The following DNM2 variants were observed in gnomAD, a reference collection of about 807,000 sequenced individuals.
DNM2 encodes the protein dynamin-2.
Under a neutral mutation model 99.0 loss-of-function variants are expected in DNM2, and 15 were observed. The ratio of observed to expected loss-of-function variants is 0.15; its 90% CI spans 0.10 to 0.23. DNM2 has a LOEUF of 0.23. DNM2 is among the 10% of genes least tolerant of loss of function. The probability of loss-of-function intolerance (pLI) is 1.00; values close to 1 mark genes in which losing one functional copy is unlikely to be tolerated. For missense variants in DNM2, 742 were observed against 1,189.4 expected (o/e 0.62, Z 5.53); for synonymous variants, 525 against 481.2 (o/e 1.09, Z -1.19).
rs1599505836 is a variant in DNM2, at chr19:10,764,937, A to G, written c.235+5126A>G. 6.7e-6 allele frequency among the ~76,000 whole-genome samples: 1 copy of G among 149,612 alleles called. No individual in the cohort carries two copies. The highest frequency in any genetic ancestry group is 2.0e-4 in the East Asian group (1 of 5,084). On this transcript the variant is annotated intron_variant, in intron 2 of 20. Transcript: ENST00000389253. The surrounding 1 kb of genome is among the most constrained non-coding windows in gnomAD (Gnocchi z 4.1). ...TCCCCGGTCCCCGGCAGCACGAGTT[A>G]TCCTGTTCTTGTTTTTTCTTTTTCT... is the stretch of plus-strand genomic sequence containing the variant.
intron 6 of DNM2, among the ~76,000 whole-genome samples, chr19:10,784,300 G>T (rs768080579): frequency 1.3e-5 from 2 of 152,174 alleles, no homozygotes; most frequent in Non-Finnish European, 2.9e-5. Flanking sequence ...CAAGAATCCA[G>T]TAGGGGCGCG....
Position 10,743,387 on chromosome 19 carries a change from T to A in DNM2, c.162-16351T>A, listed in dbSNP as rs569052308. ...ACAGGTGCTCGGGTGAGAAAAAACATCATGCGGCCAGGCATGGTGGCTCAC... is the reference window on the plus strand; with the variant it reads ...ACAGGTGCTCGGGTGAGAAAAAACAACATGCGGCCAGGCATGGTGGCTCAC... On this transcript the variant is annotated intron_variant, in intron 1 of 20. Transcript: ENST00000389253. 2.0e-5 allele frequency among the ~76,000 whole-genome samples: 3 copies of A among 151,742 alleles called. No homozygotes were observed. In the South Asian group the frequency reaches 6.3e-4, roughly 32 times the overall value.
Position 10,831,093 on chromosome 19 carries a change from C to G in DNM2, c.*46C>G, listed in dbSNP as rs528790280. 6.4e-7 allele frequency: 1 copy of G among 1,555,678 alleles called. No individual in the cohort carries two copies. The highest frequency in any genetic ancestry group is 1.9e-5 in the Admixed American group (1 of 51,900). On this transcript the variant is annotated 3_prime_UTR_variant, in exon 21 of 21. Coordinates refer to ENST00000389253, the MANE Select transcript of DNM2 (RefSeq NM_001005361.3). This position sits in a 1 kb window ranked among gnomAD's most constrained non-coding sequence, Gnocchi z 4.3. Reference sequence around the variant, plus strand: ...TCGGGGGGGCCTCACGCACCCGCGGCGCAGGAGCTTCAGTGGTCTGGGGCC... The same window carrying G: ...TCGGGGGGGCCTCACGCACCCGCGGGGCAGGAGCTTCAGTGGTCTGGGGCC...
intron 5 of DNM2, 44 bp from the exon 6 acceptor site, chr19:10,782,916 G>A: frequency 6.2e-7 from 1 of 1,613,458 alleles, no homozygotes; most frequent in Non-Finnish European, 8.5e-7. Context: ...AGGTCCACTT[G>A]GCTCACCTAG....
intron 1 of DNM2, among the ~76,000 whole-genome samples, chr19:10,747,121 C>T (rs376130078): frequency 1.6e-4 from 25 of 151,570 alleles, no homozygotes; most frequent in African/African-American, 5.6e-4. Flanking sequence ...CAAGAGATTG[C>T]GTGCCAAGGT....
chr19:10,743,927 A>C (rs985169104), intron 1 of DNM2, among the ~76,000 whole-genome samples: 1 of 151,114 alleles, frequency 6.6e-6, no homozygotes, highest in East Asian at 1.9e-4. Flanking sequence ...GCAAGGTTGC[A>C]GTGAGCCAAG....
Position 10,802,538 on chromosome 19 carries a change from C to T in DNM2, c.1493+180C>T, listed in dbSNP as rs1053334654. 12 of 719,682 alleles carry T rather than the reference C, an allele frequency of 1.7e-5. No homozygotes were observed. In the African/African-American group the frequency reaches 2.1e-4, roughly 13 times the overall value. The allele number at this position is 719,682 out of a possible 1,614,324, so 44.6% of individuals were successfully genotyped here. On this transcript the variant is annotated intron_variant, in intron 12 of 20. Transcript: ENST00000389253. ...AAGCTCTCCTGGGCTGATAGTGGTC[C>T]ACTGTCCCCAACCAACACGCCTTCT...
At chr19:10,779,708 A>C (rs567714570) in intron 5 of DNM2, among the ~76,000 whole-genome samples, 1 of 151,366 alleles carries the variant, frequency 6.6e-6, no homozygotes, top group South Asian at 2.1e-4. Flanking sequence ...TTTTTCAGAC[A>C]GAGTTTCATT....
At chr19:10,780,786 G>A (rs2071341185) in intron 5 of DNM2, among the ~76,000 whole-genome samples, 1 of 152,026 alleles carries the variant, frequency 6.6e-6, no homozygotes, top group Non-Finnish European at 1.5e-5. Context: ...ATCCAGGCTG[G>A]GCACAGTGGC....
intron 16 of DNM2, among the ~76,000 whole-genome samples, chr19:10,822,718 C>T (rs915592901): frequency 6.6e-6 from 1 of 151,956 alleles, no homozygotes; most frequent in African/African-American, 2.4e-5. Flanking sequence ...AGGCTGGTCT[C>T]AAACTCCTGA....
At chr19:10,729,669 C>T (rs1367189996) in intron 1 of DNM2, among the ~76,000 whole-genome samples, 1 of 152,222 alleles carries the variant, frequency 6.6e-6, no homozygotes, top group South Asian at 2.1e-4. Flanking sequence ...GCAAGTAGAG[C>T]GTGGAGACAG....
At chr19:10,800,274 C>G (rs1486866280) in intron 11 of DNM2, among the ~76,000 whole-genome samples, 1 of 152,200 alleles carries the variant, frequency 6.6e-6, no homozygotes, top group East Asian at 1.9e-4. Context: ...TGGTCCCTCT[C>G]CCCTTGCCAT....
At chr19:10,789,049 A>G (rs1329894277) in intron 7 of DNM2, among the ~76,000 whole-genome samples, 1 of 152,164 alleles carries the variant, frequency 6.6e-6, no homozygotes, top group African/African-American at 2.4e-5. Context: ...GAGGAAATTC[A>G]TAGCCGGGGA....
chr19:10,763,855 C>G (rs1229302771), intron 2 of DNM2, among the ~76,000 whole-genome samples: 1 of 152,062 alleles, frequency 6.6e-6, no homozygotes, highest in Non-Finnish European at 1.5e-5. Flanking sequence ...GACCAGAATG[C>G]AAGCGGGGAG....
chr19:10,813,021 G>A (rs964451449), intron 15 of DNM2, among the ~76,000 whole-genome samples: 7 of 152,224 alleles, frequency 4.6e-5, no homozygotes, highest in African/African-American at 1.7e-4. Context: ...CAGGGGCTCA[G>A]GCATGCAGCC....
chr19:10,748,415 C>T (rs1301153382), intron 1 of DNM2, among the ~76,000 whole-genome samples: 1 of 152,152 alleles, frequency 6.6e-6, no homozygotes, highest in Non-Finnish European at 1.5e-5. Context: ...TGAGGGGTTT[C>T]TCCCCTCCCT....
intron 1 of DNM2, among the ~76,000 whole-genome samples, chr19:10,732,416 C>T (rs974181823): frequency 6.6e-6 from 1 of 150,504 alleles, no homozygotes; most frequent in Admixed American, 6.6e-5. Context: ...CTGACTAACA[C>T]GGTGAAACCC....
chr19:10,831,054 AGGGGGGCGTGCTCTCGG>A lies in DNM2; in HGVS notation c.*13_*29del. On this transcript the variant is annotated 3_prime_UTR_variant, in exon 21 of 21. Transcript: ENST00000389253. This position sits in a 1 kb window ranked among gnomAD's most constrained non-coding sequence, Gnocchi z 4.3. ...GCCATCCCTGCTCGACTAGGCCTCG[AGGGGGGCGTGCTCTCGG>A]GGGGGCCTCACGCACCCGCGGCGCA... is the stretch of plus-strand genomic sequence containing the variant. 2 of 1,598,104 alleles carry A rather than the reference AGGGGGGCGTGCTCTCGG, an allele frequency of 1.3e-6. No individual in the cohort carries two copies. The highest frequency in any genetic ancestry group is 2.3e-5 in the South Asian group (2 of 88,496).
chr19:10,736,219 C>T (rs1044907071), intron 1 of DNM2, among the ~76,000 whole-genome samples: 13 of 150,258 alleles, frequency 8.7e-5, no homozygotes, highest in Non-Finnish European at 1.5e-4. Flanking sequence ...GAGCCAAGAT[C>T]GCGCTATTGC....
Sources: allele counts gnomAD v4.1 joint callset (sites outside exome capture counted in the v4.1 genomes callset), GRCh38; gene constraint gnomAD v4.1.1; non-coding constraint Gnocchi (gnomAD v3.1); transcripts MANE v1.5; gene names NCBI Gene and HGNC (gene_info 2026-07-23, HGNC 2026-07-21).